CLN3: variants seen among roughly 807,000 people sequenced by gnomAD.
CLN3 encodes the protein CLN3 lysosomal/endosomal transmembrane protein, battenin.
CLN3 carries 49 observed loss-of-function variants against 60.7 expected under a neutral mutation model. The observed-to-expected ratio is 0.81, with a 90% CI of 0.64 to 1.02. The LOEUF is 1.02. CLN3 is among the 50% of genes least tolerant of loss of function. The pLI is 0.00. For synonymous variants in CLN3, 256 were observed against 245.8 expected, an observed-to-expected ratio of 1.04 and a Z score of -0.39; for missense variants, 516 against 557.4, an observed-to-expected ratio of 0.93 and a Z score of 0.75.
At chr16:28,482,262 C>A in intron 13 of CLN3, 64 bp from the exon 14 acceptor site, 3 of 1,603,098 alleles carry the variant, frequency 1.9e-6, no homozygotes, top group Non-Finnish European at 2.6e-6. Context: ...CCCCCCGGTG[C>A]CTACTGGGCA....
chr16:28,487,727 C>A lies in CLN3; in HGVS notation c.309G>T (p.Ala103=). The A allele has an allele frequency of 1.2e-6, 2 of 1,613,494 alleles. No homozygotes were observed. Among genetic ancestry groups the A allele is most frequent in the Non-Finnish European group, 1.7e-6 (2 of 1,179,774 alleles). The change falls in exon 6 of 16, where the codon GCG becomes GCT. Residue 103 remains alanine, a synonymous_variant. Transcript: ENST00000636147. Reference sequence around the variant, plus strand: ...TGATGACGAGTGTGGGGAGGATGTCCGCCAGGAGCACAGCCTGGGACAGGA... The same window carrying A: ...TGATGACGAGTGTGGGGAGGATGTCAGCCAGGAGCACAGCCTGGGACAGGA... ...NSVSTAAVLL[A]DILPTLVIKL...
At chr16:28,472,041 A>G (rs1567251198), downstream of CLN3, among the ~76,000 whole-genome samples, 1 of 152,196 alleles carries the variant, frequency 6.6e-6, no homozygotes, top group Non-Finnish European at 1.5e-5. Context: ...AAAAAAAAAA[A>G]GTTGGAGGAT....
At chr16:28,478,260 G>A (rs1042471460) in intron 14 of CLN3, among the ~76,000 whole-genome samples, 14 of 148,998 alleles carry the variant, frequency 9.4e-5, no homozygotes, top group African/African-American at 2.0e-4. Flanking sequence ...AGCCAAGATC[G>A]CAGCACTGCA....
rs931862091 is a variant in CLN3 at position 28,492,011 on chromosome 16, G to T, written c.-77+9C>A. 6 of 601,480 alleles carry T rather than the reference G, an allele frequency of 1.0e-5. No individual in the cohort carries two copies. The highest frequency in any genetic ancestry group is 8.3e-5 in the East Asian group (3 of 36,044). 37.3% of individuals were successfully genotyped at this position (601,480 alleles called of 1,614,324 possible). A position where few individuals can be genotyped will look rare whatever the true frequency, so the allele number is the denominator to read the frequency against. The stretch of plus-strand genomic sequence containing the variant: ...GCCCCGTCTACAGCAGGGACCCTGA[G>T]GCCTGTACCTTTAAGAGCAGCAGAA... On this transcript the variant is annotated intron_variant, in intron 1 of 15. Coordinates refer to ENST00000636147, the MANE Select transcript of CLN3 (RefSeq NM_001042432.2).
intron 5 of CLN3, 82 bp downstream of exon 5, chr16:28,488,509 C>A: frequency 8.1e-7 from 1 of 1,237,584 alleles, no homozygotes; most frequent in Non-Finnish European, 1.2e-6. Flanking sequence ...ACAGTCCCAG[C>A]TGGGTAGTGA....
chr16:28,482,249 G>A (rs752882126), intron 13 of CLN3, 51 bp from the exon 14 acceptor site: 41 of 1,599,404 alleles, frequency 2.6e-5, no homozygotes, highest in South Asian at 4.4e-5. Context: ...GGACCATCCC[G>A]CTCCCCCCGG....
intron 3 of CLN3, chr16:28,491,187 A>T: frequency 4.5e-6 from 2 of 449,328 alleles, no homozygotes; most frequent in African/African-American, 1.9e-5. Flanking sequence ...TGGAGTCGTG[A>T]TTTAAAGTTT....
At chr16:28,487,611 TC>T in intron 6 of CLN3, 50 bp downstream of exon 6, 1 of 1,597,636 alleles carries the variant, frequency 6.3e-7, no homozygotes. Context: ...CATCCCAGCC[TC>T]CCCTTTCTCA....
chr16:28,472,800 CAAAAA>C (rs34795595), downstream of CLN3, among the ~76,000 whole-genome samples: 2 of 85,036 alleles, frequency 2.4e-5, no homozygotes, highest in Admixed American at 1.2e-4. Context: ...AACTCTGTTT[CAAAAA>C]AAAAAAAAAA....
rs758360941 is a variant in CLN3 at position 28,482,634 on chromosome 16, C to A, written c.829G>T (p.Val277Leu). Residue 277 changes from valine to leucine, a missense_variant, in exon 11 of 16, where the codon GTG becomes TTG. Transcript: ENST00000636147. ...CCAGCCATCATCCGAACCTTGAACA[C>A]TGTCCACCTTTCCCGAAGGGAGAGG... ...SSLSLRERWT[V>L]FKGLLWYIVP... 1 of 1,614,214 alleles carries A rather than the reference C, an allele frequency of 6.2e-7. No individual in the cohort carries two copies. Among genetic ancestry groups the A allele is most frequent in the African/African-American group, 1.3e-5 (1 of 75,052 alleles).
rs769840061 is a variant in CLN3 at position 28,489,306 on chromosome 16, G to A, written c.206C>T (p.Ser69Leu). 77 of 1,612,934 alleles carry A rather than the reference G, an allele frequency of 4.8e-5. No individual in the cohort carries two copies. In the Middle Eastern group the frequency reaches 5.1e-3, roughly 107 times the overall value. ...GTCACTTACATGGCTCTGGTTTCCC[G>A]ATGTCCTCTTGTGGCTAAGGATGTC... is the stretch of plus-strand genomic sequence containing the variant. ...AHDILSHKRT[S>L]GNQSHVDPGP... Residue 69 changes from serine (S) to leucine (L), a missense_variant, in exon 4 of 16, where the codon TCG becomes TTG. Ser to Leu is a moderately radical substitution (Grantham distance 145). Transcript: ENST00000636147.
downstream of CLN3, among the ~76,000 whole-genome samples, chr16:28,472,480 C>CA (rs2045957916): frequency 6.6e-6 from 1 of 151,986 alleles, no homozygotes; most frequent in Admixed American, 6.6e-5. Flanking sequence ...ACACCACCTG[C>CA]AAAAAAGTTA....
chr16:28,490,575 G>A (rs959487385), intron 3 of CLN3, among the ~76,000 whole-genome samples: 3 of 150,828 alleles, frequency 2.0e-5, no homozygotes, highest in Non-Finnish European at 3.0e-5. Context: ...CCTGGATAAC[G>A]CGGTGAAACC....
chr16:28,488,619 C>A lies in CLN3; in HGVS notation c.266G>T (p.Arg89Leu), dbSNP rs766287694. The A allele has an allele frequency of 6.2e-7, 1 of 1,614,164 alleles. No homozygotes were observed. Among genetic ancestry groups the A allele is most frequent in the East Asian group, 2.2e-5 (1 of 44,874 alleles). ...CGTAGAGACAGAGTTGCAGTCAAAT[C>A]GTGATGAGCTGTTGTGGGGGATCGG... Reference protein sequence around the residue: ...PTPIPHNSSSRFDCNSVSTAA... With the variant: ...PTPIPHNSSSLFDCNSVSTAA... The change falls in exon 5 of 16, where the codon CGA becomes CTA. Residue 89 changes from arginine (R) to leucine (L), a missense_variant. Arg to Leu is a moderately radical substitution (Grantham distance 102). Transcript: ENST00000636147.
In CLN3 at chr16:28,477,702, A is replaced by G. The variant is rs1447030861; in HGVS notation, c.1197+35T>C. ...ATCCCTGCCCTGGGTGTCCCTGGACAGGCCACCCCCAGCCCTTGCCCGGCC... is the reference window on the plus strand; with the variant it reads ...ATCCCTGCCCTGGGTGTCCCTGGACGGGCCACCCCCAGCCCTTGCCCGGCC... On this transcript the variant is annotated intron_variant, in intron 15 of 15. Coordinates refer to ENST00000636147, the MANE Select transcript of CLN3 (RefSeq NM_001042432.2). 15 of 1,614,006 alleles carry G rather than the reference A, an allele frequency of 9.3e-6. No individual in the cohort carries two copies. In the African/African-American group the frequency reaches 1.7e-4, roughly 19 times the overall value.
At chr16:28,468,686 A>G in the CLN3 span, among the ~76,000 whole-genome samples, 1 of 143,890 alleles carries the variant, frequency 6.9e-6, no homozygotes, top group Non-Finnish European at 1.5e-5. Flanking sequence ...ACGTGCCTAC[A>G]GTTCCAGCTA....
chr16:28,492,041 C>A lies in CLN3; in HGVS notation c.-98G>T. The stretch of plus-strand genomic sequence containing the variant: ...GTACCTTTAAGAGCAGCAGAATGTT[C>A]TGCACTATGCAGAGGCCGTTTGTCG... On this transcript the variant is annotated 5_prime_UTR_variant, in exon 1 of 16. Coordinates refer to ENST00000636147, the MANE Select transcript of CLN3 (RefSeq NM_001042432.2). 3.6e-6 allele frequency: 2 copies of A among 560,968 alleles called. No individual in the cohort carries two copies. Among genetic ancestry groups the A allele is most frequent in the Non-Finnish European group, 6.4e-6 (2 of 312,068 alleles). 34.7% of individuals were successfully genotyped at this position (560,968 alleles called of 1,614,324 possible). A position where few individuals can be genotyped will look rare whatever the true frequency, so the allele number is the denominator to read the frequency against.
intron 14 of CLN3, among the ~76,000 whole-genome samples, chr16:28,480,364 T>A (rs941978499): frequency 1.3e-5 from 2 of 150,558 alleles, no homozygotes; most frequent in East Asian, 2.0e-4. Flanking sequence ...TAAAGTATAA[T>A]CTCTATTTCT....
intron 5 of CLN3, 29 bp downstream of exon 5, chr16:28,488,562 G>A (rs1473514565): frequency 6.2e-7 from 1 of 1,609,812 alleles, no homozygotes; most frequent in East Asian, 2.2e-5. Flanking sequence ...CCCTGGGTCA[G>A]GCAAGGACCA....
Sources: gnomAD v4.1 joint callset for allele counts (sites outside exome capture counted in the v4.1 genomes callset) on GRCh38, gnomAD v4.1.1 for gene constraint, MANE v1.5 for transcripts, NCBI Gene and HGNC (gene_info 2026-07-23, HGNC 2026-07-21) for gene names.